Variants in RALGPS1 observed in about 807,000 individuals in gnomAD.
RALGPS1 encodes ras-specific guanine nucleotide-releasing factor RalGPS1.
Under a neutral mutation model 78.8 loss-of-function variants are expected in RALGPS1, and 19 were observed. The ratio of observed to expected loss-of-function variants is 0.24; its 90% CI spans 0.17 to 0.35. RALGPS1 has a LOEUF of 0.35. Ranked by LOEUF, RALGPS1 falls within the 10% of genes least tolerant of loss-of-function variation. The probability of loss-of-function intolerance (pLI) is 1.00; values close to 1 mark genes in which losing one functional copy is unlikely to be tolerated. For missense variants in RALGPS1, 454 were observed against 688.3 expected (o/e 0.66, Z 3.81); for synonymous variants, 228 against 256.3 (o/e 0.89, Z 1.06).
At chr9:127,050,619 C>T (rs1446109619) in intron 6 of RALGPS1, among the ~76,000 whole-genome samples, 4 of 152,086 alleles carry the variant, frequency 2.6e-5, no homozygotes, top group African/African-American at 9.7e-5. Flanking sequence ...GACTCTGCAG[C>T]CCCCCATCCC....
intron 2 of RALGPS1, among the ~76,000 whole-genome samples, chr9:126,963,301 T>G (rs2039093546): frequency 6.6e-6 from 1 of 152,132 alleles, no homozygotes; most frequent in African/African-American, 2.4e-5. Context: ...CTATTTCCAT[T>G]TAGAGTGAAG....
At chr9:127,046,293 T>A (rs189872413) in intron 5 of RALGPS1, among the ~76,000 whole-genome samples, 2 of 152,320 alleles carry the variant, frequency 1.3e-5, no homozygotes, top group East Asian at 3.9e-4. Context: ...AAATATTGGC[T>A]GAGCTTAGTG....
intron 6 of RALGPS1, among the ~76,000 whole-genome samples, chr9:127,050,930 C>A (rs1409537228): frequency 6.6e-6 from 1 of 152,210 alleles, no homozygotes; most frequent in Non-Finnish European, 1.5e-5. Flanking sequence ...GCTTTACTGA[C>A]CTCATCATAT....
Position 127,172,986 on chromosome 9 carries a change from G to C in RALGPS1, c.843-1729G>C, listed in dbSNP as rs556324998. Among the ~76,000 whole-genome samples, 5 of 152,242 alleles carry C rather than the reference G, an allele frequency of 3.3e-5. No individual in the cohort carries two copies. In the Middle Eastern group the frequency reaches 0.01, roughly 313 times the overall value. On this transcript the variant is annotated intron_variant, in intron 10 of 18. Transcript: ENST00000259351. ...TGGATGTTCCATGGGTGTGATCCGAGGGTGGGAGAGATGTCTGGCCCTCCT... is the reference window on the plus strand; with the variant it reads ...TGGATGTTCCATGGGTGTGATCCGACGGTGGGAGAGATGTCTGGCCCTCCT...
intron 10 of RALGPS1, among the ~76,000 whole-genome samples, chr9:127,173,338 G>A (rs530636291): frequency 1.2e-3 from 177 of 152,250 alleles, no homozygotes; most frequent in Non-Finnish European, 1.9e-3. Flanking sequence ...GGAGCGATAA[G>A]GACCCCCACT....
chr9:126,998,527 G>C (rs919780205), intron 4 of RALGPS1, among the ~76,000 whole-genome samples: 21 of 152,328 alleles, frequency 1.4e-4, no homozygotes, highest in Admixed American at 1.4e-3. Flanking sequence ...ACAGGTGCTG[G>C]AGAGGATGTG....
chr9:127,120,222 A>G (rs987107402), intron 8 of RALGPS1, among the ~76,000 whole-genome samples: 8 of 152,130 alleles, frequency 5.3e-5, no homozygotes, highest in Non-Finnish European at 1.2e-4. Context: ...TTTCTTATCC[A>G]CTATGGTTCT....
At chr9:127,037,458 G>A (rs1213104064) in intron 5 of RALGPS1, among the ~76,000 whole-genome samples, 2 of 152,202 alleles carry the variant, frequency 1.3e-5, no homozygotes, top group Non-Finnish European at 2.9e-5. Context: ...TTTTATAGTT[G>A]CTAATGACTG....
chr9:127,093,392 C>CT (rs2052717566), intron 8 of RALGPS1, among the ~76,000 whole-genome samples: 1 of 152,176 alleles, frequency 6.6e-6, no homozygotes, highest in East Asian at 1.9e-4. Flanking sequence ...GGAAACCCCA[C>CT]TTGGGAGTGA....
intron 5 of RALGPS1, among the ~76,000 whole-genome samples, chr9:127,036,404 C>G (rs2046869371): frequency 6.6e-6 from 1 of 152,242 alleles, no homozygotes. Flanking sequence ...GGTCACTTAC[C>G]TGTCTGAGCC....
intron 8 of RALGPS1, among the ~76,000 whole-genome samples, chr9:127,089,317 A>G (rs991937621): frequency 6.6e-6 from 1 of 152,230 alleles, no homozygotes; most frequent in African/African-American, 2.4e-5. Context: ...TTTGAGGCTC[A>G]GCTTTGTAAC....
intron 8 of RALGPS1, among the ~76,000 whole-genome samples, chr9:127,118,041 C>T (rs533262852): frequency 6.6e-6 from 1 of 152,184 alleles, no homozygotes; most frequent in African/African-American, 2.4e-5. Flanking sequence ...AGAGGCCTGG[C>T]TCCCCACACC....
intron 8 of RALGPS1, among the ~76,000 whole-genome samples, chr9:127,154,220 C>T (rs1016849619): frequency 6.6e-6 from 1 of 151,588 alleles, no homozygotes; most frequent in African/African-American, 2.4e-5. Flanking sequence ...CTGACCAGGG[C>T]GTTAGGGCTG....
chr9:127,088,251 G>T (rs373222674), intron 8 of RALGPS1: 6 of 152,318 alleles, frequency 3.9e-5, no homozygotes, highest in East Asian at 1.9e-4. Flanking sequence ...ATGAAAATGT[G>T]GGGGGAGGGA....
At chr9:127,154,152 G>A (rs1046904347) in intron 8 of RALGPS1, among the ~76,000 whole-genome samples, 1 of 152,256 alleles carries the variant, frequency 6.6e-6, no homozygotes, top group African/African-American at 2.4e-5. Flanking sequence ...TGAGTGCTTG[G>A]CCTGCCTTGG....
In RALGPS1 at chr9:127,026,065, A is replaced by G. The variant is rs140590422; in HGVS notation, c.217-8366A>G. 4.7e-4 allele frequency among the ~76,000 whole-genome samples: 71 copies of G among 152,276 alleles called. No individual in the cohort carries two copies. In the East Asian group the frequency reaches 0.013, roughly 28 times the overall value. On this transcript the variant is annotated intron_variant, in intron 4 of 18. Coordinates refer to ENST00000259351, the MANE Select transcript of RALGPS1 (RefSeq NM_014636.3). Reference sequence around the variant, plus strand: ...AATTTTATCTATATATAGGATATATATACAAAAGGGAGTTTATTAAGTATT... The same window carrying G: ...AATTTTATCTATATATAGGATATATGTACAAAAGGGAGTTTATTAAGTATT...
intron 5 of RALGPS1, among the ~76,000 whole-genome samples, chr9:127,045,760 CAT>C (rs1490164832): frequency 0.026 from 926 of 36,142 alleles, 5 homozygotes; most frequent in African/African-American, 0.052. Context: ...CACACACACA[CAT>C]ACACACACAC....
chr9:127,007,134 G>C (rs1056484732), intron 4 of RALGPS1, among the ~76,000 whole-genome samples: 3 of 152,176 alleles, frequency 2.0e-5, no homozygotes, highest in Non-Finnish European at 4.4e-5. Flanking sequence ...ACATCTGTGT[G>C]TCTTTGTCTC....
Position 127,067,156 on chromosome 9 carries a change from T to C in RALGPS1, c.484-2074T>C, listed in dbSNP as rs544735497. 5.9e-5 allele frequency among the ~76,000 whole-genome samples: 9 copies of C among 152,286 alleles called. No individual in the cohort carries two copies. The South Asian group carries it at 1.9e-3, about 32-fold the overall frequency. On this transcript the variant is annotated intron_variant, in intron 7 of 18. Coordinates refer to ENST00000259351, the MANE Select transcript of RALGPS1 (RefSeq NM_014636.3). Reference sequence around the variant, plus strand: ...TTGTGAAGATTAGATGAGTTATATATTACAGTGTCTTACAAACAGCAAGTA... The same window carrying C: ...TTGTGAAGATTAGATGAGTTATATACTACAGTGTCTTACAAACAGCAAGTA...
Sources: allele counts gnomAD v4.1 joint callset (sites outside exome capture counted in the v4.1 genomes callset), GRCh38; gene constraint gnomAD v4.1.1; transcripts MANE v1.5; gene names NCBI Gene and HGNC (gene_info 2026-07-23, HGNC 2026-07-21).